The following MEX3D variants were observed in gnomAD, a reference collection of about 807,000 sequenced individuals.
MEX3D encodes the protein mex-3 RNA binding family member D.
MEX3D carries 4 observed loss-of-function variants against 6.3 expected under a neutral mutation model. That is an observed-to-expected ratio of 0.64 (90% CI 0.31 to 1.46). The LOEUF is 1.46. Ranked by LOEUF, MEX3D falls within the 40% of genes most tolerant of loss-of-function variation. The probability of loss-of-function intolerance (pLI) is 0.07; values close to 1 mark genes in which losing one functional copy is unlikely to be tolerated. For missense variants in MEX3D, 1,038 were observed against 994.4 expected (o/e 1.04, Z -0.59); for synonymous variants, 626 against 494.1 (o/e 1.27, Z -3.54).
rs751420365 is a variant in MEX3D at position 1,560,697 on chromosome 19, C to G, written c.596-3774G>C. Among the ~76,000 whole-genome samples the G allele has an allele frequency of 6.6e-4, 100 of 152,282 alleles. No homozygotes were observed. The Middle Eastern group carries it at 0.014, about 21-fold the overall frequency. ...GCAGGGGAGGGAACTGGCGCCTCCCCCTCCCCTTACTCCATCCTGCCCTAA... is the reference window on the plus strand; with the variant it reads ...GCAGGGGAGGGAACTGGCGCCTCCCGCTCCCCTTACTCCATCCTGCCCTAA... On this transcript the variant is annotated intron_variant, in intron 1 of 1. Coordinates refer to ENST00000402693, the MANE Select transcript of MEX3D (RefSeq NM_203304.4).
In MEX3D at chr19:1,568,171, G is replaced by A. The variant is rs1320333429; in HGVS notation, c.-113C>T. 1 of 921,590 alleles carries A rather than the reference G, an allele frequency of 1.1e-6. No individual in the cohort carries two copies. Among genetic ancestry groups the A allele is most frequent in the Non-Finnish European group, 1.3e-6 (1 of 776,206 alleles). 57.1% of individuals were successfully genotyped at this position (921,590 alleles called of 1,614,324 possible). On this transcript the variant is annotated 5_prime_UTR_variant, in exon 1 of 2. Transcript: ENST00000402693. ...CCGGCCGCCTGCATCCAGCGGCGGGGGCGGGCACGGGGGGCCGGGCGGGCG... is the reference window on the plus strand; with the variant it reads ...CCGGCCGCCTGCATCCAGCGGCGGGAGCGGGCACGGGGGGCCGGGCGGGCG...
rs959718721 is a variant in MEX3D at position 1,555,148 on chromosome 19, G to A, written c.*415C>T. 6.5e-5 allele frequency: 31 copies of A among 478,946 alleles called. No individual in the cohort carries two copies. Among genetic ancestry groups the A allele is most frequent in the African/African-American group, 3.6e-4 (17 of 47,298 alleles). 29.7% of individuals were successfully genotyped at this position (478,946 alleles called of 1,614,324 possible). ...CGTCTGTGCGGCCTGAGACCGGCCG[G>A]CGAGAAAAGTCAAATCAGAAAACGG... is the stretch of plus-strand genomic sequence containing the variant. On this transcript the variant is annotated 3_prime_UTR_variant, in exon 2 of 2. Transcript: ENST00000402693.
chr19:1,563,964 T>C (rs1914779473), intron 1 of MEX3D, among the ~76,000 whole-genome samples: 1 of 151,796 alleles, frequency 6.6e-6, no homozygotes, highest in Admixed American at 6.6e-5. Context: ...TGTGCCACCA[T>C]GCCTAATTTT....
chr19:1,565,916 G>A (rs1914827093), intron 1 of MEX3D, among the ~76,000 whole-genome samples: 1 of 152,210 alleles, frequency 6.6e-6, no homozygotes, highest in South Asian at 2.1e-4. Context: ...CTCGCTCAAA[G>A]GCCCTTGGGT....
intron 1 of MEX3D, among the ~76,000 whole-genome samples, chr19:1,561,772 T>G (rs914468350): frequency 3.3e-5 from 5 of 151,964 alleles, no homozygotes; most frequent in Non-Finnish European, 1.5e-5. Flanking sequence ...GCCTCCCGAG[T>G]AGCTGGGACT....
chr19:1,555,431 G>GCC lies in MEX3D; in HGVS notation c.*130_*131dup, dbSNP rs775382495. 9.6e-6 allele frequency: 14 copies of GCC among 1,454,760 alleles called. No homozygotes were observed. Among genetic ancestry groups the GCC allele is most frequent in the African/African-American group, 1.7e-5 (1 of 57,146 alleles). The allele number at this position is 1,454,760 out of a possible 1,614,324, so 90.1% of individuals were successfully genotyped here. ...AGCTCATCTGTAAACACTGGCCGCC[G>GCC]CCCACCCCCCTGCCCCCTCGGCCTC... On this transcript the variant is annotated 3_prime_UTR_variant, in exon 2 of 2. Transcript: ENST00000402693.
At position 1,555,228 on chromosome 19, in the gene MEX3D, G is replaced by T; in HGVS notation, c.*335C>A. The T allele has an allele frequency of 2.5e-6, 3 of 1,198,066 alleles. No homozygotes were observed. The highest frequency in any genetic ancestry group is 5.9e-5 in the Admixed American group (2 of 33,720). The allele number at this position is 1,198,066 out of a possible 1,614,324, so 74.2% of individuals were successfully genotyped here. A position where few individuals can be genotyped will look rare whatever the true frequency, so the allele number is the denominator to read the frequency against. On this transcript the variant is annotated 3_prime_UTR_variant, in exon 2 of 2. Transcript: ENST00000402693. ...CTGGAAAAGTCGTGTTTTTTGTTTTGCTTTTTTAAAGATCACCCTGGAGGG... is the reference window on the plus strand; with the variant it reads ...CTGGAAAAGTCGTGTTTTTTGTTTTTCTTTTTTAAAGATCACCCTGGAGGG...
chr19:1,558,500 C>G (rs898535175), intron 1 of MEX3D, among the ~76,000 whole-genome samples: 10 of 152,232 alleles, frequency 6.6e-5, no homozygotes, highest in Admixed American at 2.0e-4. Flanking sequence ...AGGCGCCCCC[C>G]GCCCTGCCCA....
rs747085166 is a variant in MEX3D, at chr19:1,556,505, G to A, written c.1014C>T (p.Ile338=). ...DRAREEIEAH[I]TLRTGAFTDA... is the part of the protein sequence containing the mutation. ...CGGTGAAGGCGCCAGTGCGCAGCGTGATGTGCGCCTCGATCTCCTCGCGCG... is the reference window on the plus strand; with the variant it reads ...CGGTGAAGGCGCCAGTGCGCAGCGTAATGTGCGCCTCGATCTCCTCGCGCG... The change falls in exon 2 of 2, where the codon ATC becomes ATT. Residue 338 remains isoleucine, a synonymous_variant. Transcript: ENST00000402693. This position sits in a 1 kb window ranked among gnomAD's most constrained non-coding sequence, Gnocchi z 7.5. 138 of 1,605,768 alleles carry A rather than the reference G, an allele frequency of 8.6e-5. No homozygotes were observed. The highest frequency in any genetic ancestry group is 1.2e-4 in the Non-Finnish European group (137 of 1,177,870).
chr19:1,567,925 GCGGGCGCGGCCTCCTGGGCGCCCT>G lies in MEX3D; in HGVS notation c.110_133del (p.Glu37_Pro44del), dbSNP rs1184031099. The stretch of plus-strand genomic sequence containing the variant: ...GTCGGGTTCGGGCGGCGGCCGGGGC[GCGGGCGCGGCCTCCTGGGCGCCCT>G]CGGGCGGGGGCGCAGGTCCGGGTCC... On this transcript the variant is annotated inframe_deletion, in exon 1 of 2. Coordinates refer to ENST00000402693, the MANE Select transcript of MEX3D (RefSeq NM_203304.4). The surrounding 1 kb of genome is among the most constrained non-coding windows in gnomAD (Gnocchi z 6.5). 6 of 978,838 alleles carry G rather than the reference GCGGGCGCGGCCTCCTGGGCGCCCT, an allele frequency of 6.1e-6. No individual in the cohort carries two copies. The East Asian group carries it at 5.8e-4, about 95-fold the overall frequency. The allele number at this position is 978,838 out of a possible 1,614,324, so 60.6% of individuals were successfully genotyped here.
At chr19:1,560,152 C>T (rs1187295207) in intron 1 of MEX3D, among the ~76,000 whole-genome samples, 1 of 152,250 alleles carries the variant, frequency 6.6e-6, no homozygotes, top group Non-Finnish European at 1.5e-5. Context: ...GGGAAGGTAA[C>T]AGGCCTGGCT....
At chr19:1,558,074 A>T (rs1914622868) in intron 1 of MEX3D, among the ~76,000 whole-genome samples, 1 of 147,558 alleles carries the variant, frequency 6.8e-6, no homozygotes, top group Non-Finnish European at 1.5e-5. Context: ...AAAAAGAGCC[A>T]CAGTGGCAGG....
chr19:1,564,459 G>A (rs1259044567), intron 1 of MEX3D, among the ~76,000 whole-genome samples: 1 of 151,844 alleles, frequency 6.6e-6, no homozygotes, highest in African/African-American at 2.4e-5. Flanking sequence ...CTTGAACCTG[G>A]GAGGTGGAGC....
In MEX3D at chr19:1,555,372, G is replaced by C. The variant is rs752108835; in HGVS notation, c.*191C>G. The C allele has an allele frequency of 6.2e-7, 1 of 1,602,156 alleles. No individual in the cohort carries two copies. Among genetic ancestry groups the C allele is most frequent in the Admixed American group, 1.7e-5 (1 of 59,680 alleles). On this transcript the variant is annotated 3_prime_UTR_variant, in exon 2 of 2. Transcript: ENST00000402693. ...AGGGCTGAGGCGCCGCCGGGCTGCG[G>C]GGTCTCCGTCTCCACGCCTGAGGCG...
Position 1,556,654 on chromosome 19 carries a change from C to G in MEX3D, c.865G>C (p.Val289Leu). The change falls in exon 2 of 2, where the codon GTG becomes CTG. Residue 289 changes from valine to leucine, a missense_variant. This residue lies in a region of MEX3D where 65 missense variants were observed against 109.3 expected (regional missense o/e 0.59). Coordinates refer to ENST00000402693, the MANE Select transcript of MEX3D (RefSeq NM_203304.4). This position sits in a 1 kb window ranked among gnomAD's most constrained non-coding sequence, Gnocchi z 7.5. ...TTGATGGTGGCGCCCTTGGGCCCCA[C>G]CACCAGCCCCACCACCCGGTAGGGC... ...RVPYRVVGLV[V>L]GPKGATIKRI... is the part of the protein sequence containing the mutation. 2.5e-6 allele frequency: 4 copies of G among 1,610,678 alleles called. No homozygotes were observed. The highest frequency in any genetic ancestry group is 3.4e-6 in the Non-Finnish European group (4 of 1,179,068).
rs1317566677 is a variant in MEX3D at position 1,555,738 on chromosome 19, G to C, written c.1781C>G (p.Pro594Arg). The C allele has an allele frequency of 1.3e-6, 2 of 1,518,276 alleles. No homozygotes were observed. The highest frequency in any genetic ancestry group is 8.8e-7 in the Non-Finnish European group (1 of 1,139,850). The allele number at this position is 1,518,276 out of a possible 1,614,324, so 94.1% of individuals were successfully genotyped here. A position where few individuals can be genotyped will look rare whatever the true frequency, so the allele number is the denominator to read the frequency against. The stretch of plus-strand genomic sequence containing the variant: ...CACCACGCACTCTCGCGCCAGGGCC[G>C]GGGCCGAGGACGCCGAAGGGGGCTT... ...SRKPPSASSAPALARECVVCA... is the reference protein window; with the variant it reads ...SRKPPSASSARALARECVVCA... The change falls in exon 2 of 2, where the codon CCG becomes CGG. Residue 594 changes from proline (P) to arginine (R), a missense_variant. Around this residue, in one of 5 missense-constraint regions of MEX3D, gnomAD observed 581 missense variants for 516.2 expected, o/e 1.13. Transcript: ENST00000402693.
chr19:1,556,187 C>T lies in MEX3D; in HGVS notation c.1332G>A (p.Gly444=), dbSNP rs994951647. ...AGTCGCAGTCGTCGGGGGCGGCCGT[C>T]CCCACCGGGGCACCGGGACCCTCCG... is the stretch of plus-strand genomic sequence containing the variant. ...FGAEGPGAPV[G]TAAPDDCDFG... is the part of the protein sequence containing the mutation. The change falls in exon 2 of 2, where the codon GGG becomes GGA. Residue 444 remains glycine, a synonymous_variant. Coordinates refer to ENST00000402693, the MANE Select transcript of MEX3D (RefSeq NM_203304.4). The surrounding 1 kb of genome is among the most constrained non-coding windows in gnomAD (Gnocchi z 7.5). 4.8e-6 allele frequency: 7 copies of T among 1,456,784 alleles called. No individual in the cohort carries two copies. Among genetic ancestry groups the T allele is most frequent in the Non-Finnish European group, 6.3e-6 (7 of 1,104,606 alleles). The allele number at this position is 1,456,784 out of a possible 1,614,324, so 90.2% of individuals were successfully genotyped here. A position where few individuals can be genotyped will look rare whatever the true frequency, so the allele number is the denominator to read the frequency against.
rs532977757 is a variant in MEX3D, at chr19:1,556,383, T to G, written c.1136A>C (p.Gln379Pro). ...AASLWAKTPN[Q>P]GRRPPTATAG... ...CGTGGCCGTGGGGGGCCGTCGTCCC[T>G]GGTTGGGGGTCTTGGCCCAGAGGCT... Residue 379 changes from glutamine to proline, a missense_variant, in exon 2 of 2, where the codon CAG becomes CCG. Around this residue, in one of 5 missense-constraint regions of MEX3D, gnomAD observed 581 missense variants for 516.2 expected, o/e 1.13. Transcript: ENST00000402693. This position sits in a 1 kb window ranked among gnomAD's most constrained non-coding sequence, Gnocchi z 7.5. 55 of 1,528,494 alleles carry G rather than the reference T, an allele frequency of 3.6e-5. No individual in the cohort carries two copies. In the African/African-American group the frequency reaches 6.0e-4, roughly 17 times the overall value. 94.7% of individuals were successfully genotyped at this position (1,528,494 alleles called of 1,614,324 possible). A position where few individuals can be genotyped will look rare whatever the true frequency, so the allele number is the denominator to read the frequency against.
rs1429726716 is a variant in MEX3D, at chr19:1,567,943, G to A, written c.116C>T (p.Ala39Val). The A allele has an allele frequency of 4.1e-6, 4 of 978,672 alleles. No homozygotes were observed. The East Asian group carries it at 4.7e-4, about 115-fold the overall frequency. The allele number at this position is 978,672 out of a possible 1,614,324, so 60.6% of individuals were successfully genotyped here. A position where few individuals can be genotyped will look rare whatever the true frequency, so the allele number is the denominator to read the frequency against. The change falls in exon 1 of 2, where the codon GCC (alanine) becomes GTC (valine). Residue 39 changes from alanine (A) to valine (V), a missense_variant. By Grantham distance (64) the Ala-to-Val change is moderately conservative. Transcript: ENST00000402693. The surrounding 1 kb of genome is among the most constrained non-coding windows in gnomAD (Gnocchi z 6.5). The stretch of plus-strand genomic sequence containing the variant: ...CCGGGGCGCGGGCGCGGCCTCCTGG[G>A]CGCCCTCGGGCGGGGGCGCAGGTCC... ...GPGPAPPPEG[A>V]QEAAPAPRPP...
Sources: allele counts gnomAD v4.1 joint callset (sites outside exome capture counted in the v4.1 genomes callset), GRCh38; gene constraint gnomAD v4.1.1; regional missense constraint gnomAD v4.1.1; non-coding constraint Gnocchi (gnomAD v3.1); transcripts MANE v1.5; gene names NCBI Gene and HGNC (gene_info 2026-07-23, HGNC 2026-07-21).